The following DYM variants were observed in gnomAD, a reference collection of about 807,000 sequenced individuals.
The protein encoded by DYM is dyggve-Melchior-Clausen syndrome protein.
A neutral mutation model predicts 93.1 loss-of-function variants in DYM; 78 were observed. That is an observed-to-expected ratio of 0.84 (90% CI 0.70 to 1.01). The LOEUF is 1.01. Ranked by LOEUF, DYM falls within the 50% of genes least tolerant of loss-of-function variation. The probability of loss-of-function intolerance (pLI) is 0.00; values close to 1 mark genes in which losing one functional copy is unlikely to be tolerated. For synonymous variants in DYM, 321 were observed against 319.7 expected (o/e 1.00, Z -0.04); for missense variants, 789 against 845.0 (o/e 0.93, Z 0.82).
At position 49,434,478 on chromosome 18, in the gene DYM, C is replaced by A. The variant is rs142451584; in HGVS notation, c.-53-4031G>T. On this transcript the variant is annotated intron_variant, in intron 1 of 17. Coordinates refer to ENST00000675505, the MANE Select transcript of DYM (RefSeq NM_001353214.3). ...GAGGTTGCAGTGAGCCAAGACTGCA[C>A]CATTGCATTCCAGCCTGGGCAATAA... Among the ~76,000 whole-genome samples the A allele has an allele frequency of 1.1e-3, 171 of 152,162 alleles. 3 individuals carry two copies. In the East Asian group the frequency reaches 0.025, roughly 22 times the overall value.
chr18:49,393,019 A>G (rs1457847894), intron 2 of DYM, among the ~76,000 whole-genome samples: 9 of 96,888 alleles, frequency 9.3e-5, no homozygotes, highest in Admixed American at 2.7e-4. Context: ...AAGAAGAAGA[A>G]GAGGAAGAAG....
At chr18:49,375,373 CTT>C (rs1219490240) in intron 5 of DYM, among the ~76,000 whole-genome samples, 7 of 151,784 alleles carry the variant, frequency 4.6e-5, no homozygotes, top group Non-Finnish European at 8.8e-5. Flanking sequence ...TAAATTATAA[CTT>C]GGTACAGTAT....
intron 13 of DYM, among the ~76,000 whole-genome samples, chr18:49,222,795 T>A (rs2093412557): frequency 6.6e-6 from 1 of 152,148 alleles, no homozygotes; most frequent in African/African-American, 2.4e-5. Flanking sequence ...AAAGGAAAAT[T>A]CTTCTTTACA....
chr18:49,292,693 C>A (rs1389199976), intron 8 of DYM, among the ~76,000 whole-genome samples: 1 of 147,514 alleles, frequency 6.8e-6, no homozygotes, highest in Non-Finnish European at 1.5e-5. Context: ...GTTCCAAAAA[C>A]CAAATTCAGG....
At chr18:49,313,516 T>C (rs1458151966) in intron 8 of DYM, among the ~76,000 whole-genome samples, 1 of 107,364 alleles carries the variant, frequency 9.3e-6, no homozygotes, top group Non-Finnish European at 1.9e-5. Flanking sequence ...GTAAAAAACC[T>C]GGCCAAAACC....
chr18:49,353,074 T>C (rs1599623822), intron 6 of DYM, among the ~76,000 whole-genome samples: 1 of 152,024 alleles, frequency 6.6e-6, no homozygotes, highest in East Asian at 1.9e-4. Flanking sequence ...CTTCATAGAG[T>C]AGTTTCATTA....
intron 14 of DYM, chr18:49,208,795 A>T (rs1409665566): frequency 6.6e-6 from 1 of 152,138 alleles, no homozygotes; most frequent in Non-Finnish European, 1.5e-5. Flanking sequence ...TAGTGCTGGT[A>T]TAAGTCATCT....
At chr18:49,050,576 C>T (rs536049325) in intron 17 of DYM, among the ~76,000 whole-genome samples, 282 of 152,210 alleles carry the variant, frequency 1.9e-3, no homozygotes, top group Non-Finnish European at 2.5e-3. Context: ...CTCCCTGAGC[C>T]ACACGGGGCT....
intron 14 of DYM, among the ~76,000 whole-genome samples, chr18:49,172,312 C>T (rs1297272099): frequency 6.6e-6 from 1 of 152,126 alleles, no homozygotes; most frequent in Non-Finnish European, 1.5e-5. Flanking sequence ...AACAGTTGTA[C>T]AGGTTTTTGT....
intron 2 of DYM, among the ~76,000 whole-genome samples, chr18:49,421,883 T>C (rs2073755184): frequency 6.6e-6 from 1 of 152,134 alleles, no homozygotes; most frequent in African/African-American, 2.4e-5. Context: ...GCCGATTCAA[T>C]CAACTGAAAG....
intron 17 of DYM, among the ~76,000 whole-genome samples, chr18:49,082,262 C>G (rs1227355000): frequency 1.3e-4 from 20 of 152,246 alleles, no homozygotes; most frequent in Admixed American, 1.2e-3. Flanking sequence ...TATATAGCTT[C>G]CTGTTTCCTC....
At chr18:49,194,811 G>C (rs1200973003) in intron 14 of DYM, among the ~76,000 whole-genome samples, 1 of 151,992 alleles carries the variant, frequency 6.6e-6, no homozygotes, top group East Asian at 1.9e-4. Context: ...AAGTCATTTT[G>C]AATTAAAAAG....
At chr18:49,120,056 G>C (rs982940912) in intron 15 of DYM, among the ~76,000 whole-genome samples, 1 of 136,400 alleles carries the variant, frequency 7.3e-6, no homozygotes, top group African/African-American at 2.9e-5. Flanking sequence ...TCCAGCCTGA[G>C]TGACAGAGCC....
intron 1 of DYM, among the ~76,000 whole-genome samples, chr18:49,457,925 C>T (rs891465232): frequency 6.6e-6 from 1 of 152,126 alleles, no homozygotes; most frequent in African/African-American, 2.4e-5. Context: ...AGGTACGCCA[C>T]AAGCCAAGGA....
chr18:49,216,825 G>A (rs1195083532), intron 13 of DYM, among the ~76,000 whole-genome samples: 1 of 152,248 alleles, frequency 6.6e-6, no homozygotes, highest in East Asian at 1.9e-4. Context: ...AAAAAAACTG[G>A]AAACTCTAAA....
intron 2 of DYM, among the ~76,000 whole-genome samples, chr18:49,423,214 C>T (rs527610901): frequency 6.6e-6 from 1 of 152,064 alleles, no homozygotes; most frequent in South Asian, 2.1e-4. Flanking sequence ...ACAGTGCAAC[C>T]AAACTAGAAC....
chr18:49,178,538 C>T (rs2089615069), intron 14 of DYM, among the ~76,000 whole-genome samples: 1 of 152,174 alleles, frequency 6.6e-6, no homozygotes, highest in Admixed American at 6.5e-5. Flanking sequence ...ATATGTGGAA[C>T]TGCACAATTC....
intron 14 of DYM, among the ~76,000 whole-genome samples, chr18:49,171,351 C>G (rs2088698358): frequency 2.0e-5 from 3 of 152,116 alleles, no homozygotes; most frequent in Admixed American, 2.0e-4. Context: ...CAGCCAACTT[C>G]TCTCTCCATG....
chr18:49,216,790 C>T (rs1187872544), intron 13 of DYM, among the ~76,000 whole-genome samples: 4 of 152,026 alleles, frequency 2.6e-5, no homozygotes, highest in African/African-American at 7.2e-5. Context: ...TAGATAAAAC[C>T]ACAAAGATGG....
Sources: gnomAD v4.1 joint callset for allele counts (sites outside exome capture counted in the v4.1 genomes callset) on GRCh38, gnomAD v4.1.1 for gene constraint, MANE v1.5 for transcripts, NCBI Gene and HGNC (gene_info 2026-07-23, HGNC 2026-07-21) for gene names.